The following NOL10 variants were observed in gnomAD, a reference collection of about 807,000 sequenced individuals.
NOL10 encodes nucleolar protein 10, also known as H_NH0074G24.1.
NOL10 carries 58 observed loss-of-function variants against 103.5 expected under a neutral mutation model. The ratio of observed to expected loss-of-function variants is 0.56; its 90% CI spans 0.45 to 0.70. NOL10 has a LOEUF of 0.70. Ranked by LOEUF, NOL10 falls within the 30% of genes least tolerant of loss-of-function variation. NOL10 has a pLI of 0.00. For synonymous variants in NOL10, 287 were observed against 282.5 expected, an observed-to-expected ratio of 1.02 and a Z score of -0.16; for missense variants, 763 against 807.3, an observed-to-expected ratio of 0.95 and a Z score of 0.67.
At chr2:10,669,457 TTTTA>T (rs1680771644) in intron 6 of NOL10, among the ~76,000 whole-genome samples, 1 of 135,810 alleles carries the variant, frequency 7.4e-6, no homozygotes, top group African/African-American at 2.6e-5. Flanking sequence ...ATATATATAT[TTTTA>T]TTTTTTATAT....
intron 13 of NOL10, among the ~76,000 whole-genome samples, chr2:10,613,964 A>AT (rs1553301420): frequency 0.18 from 23,829 of 132,394 alleles, 2,751 homozygotes; most frequent in African/African-American, 0.33. Flanking sequence ...CCCCATTAGA[A>AT]TTTTTTTTTT....
intron 13 of NOL10, among the ~76,000 whole-genome samples, chr2:10,633,573 G>T (rs1177800192): frequency 1.3e-5 from 2 of 151,774 alleles, no homozygotes; most frequent in African/African-American, 4.8e-5. Flanking sequence ...TGAGGATTTG[G>T]TTTAACAGTC....
intron 17 of NOL10, among the ~76,000 whole-genome samples, chr2:10,595,953 G>A (rs948831597): frequency 1.3e-5 from 2 of 151,980 alleles, no homozygotes; most frequent in Non-Finnish European, 2.9e-5. Context: ...AACTATGCAT[G>A]TATAACTGTA....
intron 19 of NOL10, among the ~76,000 whole-genome samples, chr2:10,583,486 T>C (rs886620379): frequency 6.6e-6 from 1 of 152,160 alleles, no homozygotes; most frequent in Non-Finnish European, 1.5e-5. Context: ...CTGCCATTGG[T>C]TTACTGAATG....
chr2:10,666,856 A>C (rs1680598291), intron 8 of NOL10, among the ~76,000 whole-genome samples: 1 of 152,182 alleles, frequency 6.6e-6, no homozygotes, highest in Non-Finnish European at 1.5e-5. Context: ...TTCAAGTGTT[A>C]CCTCTGGGGT....
In NOL10 at chr2:10,644,322, G is replaced by A. The variant is rs1487064714; in HGVS notation, c.1024C>T (p.Pro342Ser). The change falls in exon 13 of 21, where the codon CCA becomes TCA. Residue 342 changes from proline to serine, a missense_variant and splice_region_variant. By Grantham distance (74) the Pro-to-Ser change is moderately conservative. Transcript: ENST00000381685. ...AAACTCCTCTTTGTATTACTTACTG[G>A]AATGTAATAGATGCCCATCTTGGGG... is the stretch of plus-strand genomic sequence containing the variant. ...ETPKMGIYYI[P>S]VLGPAPRWCS... 6.6e-7 allele frequency: 1 copy of A among 1,525,646 alleles called. No homozygotes were observed. Among genetic ancestry groups the A allele is most frequent in the Admixed American group, 2.2e-5 (1 of 44,990 alleles). 94.5% of individuals were successfully genotyped at this position (1,525,646 alleles called of 1,614,324 possible). A position where few individuals can be genotyped will look rare whatever the true frequency, so the allele number is the denominator to read the frequency against.
intron 13 of NOL10, among the ~76,000 whole-genome samples, chr2:10,634,364 C>T (rs914760689): frequency 3.9e-5 from 6 of 152,120 alleles, no homozygotes; most frequent in South Asian, 2.1e-4. Flanking sequence ...ATGGCTCCTG[C>T]GCTCTAAGCC....
chr2:10,620,529 C>T (rs1344435426), intron 13 of NOL10, among the ~76,000 whole-genome samples: 3 of 151,974 alleles, frequency 2.0e-5, no homozygotes, highest in South Asian at 2.1e-4. Context: ...ATAAGATTTC[C>T]CATATGTTCC....
rs371326341 is a variant in NOL10 at position 10,685,246 on chromosome 2, C to G, written c.67-634G>C. Among the ~76,000 whole-genome samples the G allele has an allele frequency of 3.1e-4, 47 of 152,282 alleles. 1 individual carries two copies. In the Middle Eastern group the frequency reaches 0.017, roughly 55 times the overall value. On this transcript the variant is annotated intron_variant, in intron 1 of 20. Transcript: ENST00000381685. ...ACCAAATAGCTGATACTTGGCCAGG[C>G]ATGGTGGCTCACGCCTATAATCCCA...
At chr2:10,610,935 A>T (rs1676530716) in intron 13 of NOL10, among the ~76,000 whole-genome samples, 1 of 152,130 alleles carries the variant, frequency 6.6e-6, no homozygotes, top group Non-Finnish European at 1.5e-5. Flanking sequence ...TGCTTCAGTC[A>T]TACCATGTTG....
At chr2:10,602,351 A>G (rs552879239) in intron 16 of NOL10, among the ~76,000 whole-genome samples, 1 of 152,330 alleles carries the variant, frequency 6.6e-6, no homozygotes, top group Admixed American at 6.5e-5. Flanking sequence ...ATTAAATTCT[A>G]TGTACTCAGA....
intron 13 of NOL10, among the ~76,000 whole-genome samples, chr2:10,622,940 G>A (rs1677232090): frequency 6.6e-6 from 1 of 151,890 alleles, no homozygotes; most frequent in African/African-American, 2.4e-5. Context: ...TGCTCATTCA[G>A]TTCCCCTCTC....
intron 13 of NOL10, among the ~76,000 whole-genome samples, chr2:10,627,668 C>T (rs1280297475): frequency 6.6e-6 from 1 of 150,720 alleles, no homozygotes; most frequent in Non-Finnish European, 1.5e-5. Context: ...GCGTAAGACT[C>T]CGTCTCAAAA....
intron 11 of NOL10, among the ~76,000 whole-genome samples, chr2:10,656,019 A>C (rs1679825637): frequency 6.6e-6 from 1 of 152,204 alleles, no homozygotes; most frequent in African/African-American, 2.4e-5. Context: ...CAACAATGAC[A>C]AAAAGGTGTC....
chr2:10,624,729 T>C (rs764284165), intron 13 of NOL10, among the ~76,000 whole-genome samples: 1 of 152,022 alleles, frequency 6.6e-6, no homozygotes, highest in Non-Finnish European at 1.5e-5. Context: ...TTCTCAAAAC[T>C]AAACGTATTG....
chr2:10,631,159 T>C (rs1260801136), intron 13 of NOL10, among the ~76,000 whole-genome samples: 1 of 152,190 alleles, frequency 6.6e-6, no homozygotes, highest in Non-Finnish European at 1.5e-5. Context: ...CATATACTAA[T>C]GGGGCAAAGA....
At chr2:10,661,044 A>G (rs1680169252) in intron 9 of NOL10, among the ~76,000 whole-genome samples, 1 of 151,802 alleles carries the variant, frequency 6.6e-6, no homozygotes, top group South Asian at 2.1e-4. Context: ...GTTTGTGTTC[A>G]CTGCTTTTCT....
intron 13 of NOL10, among the ~76,000 whole-genome samples, chr2:10,611,861 G>C (rs1268801498): frequency 6.6e-6 from 1 of 152,182 alleles, no homozygotes; most frequent in Non-Finnish European, 1.5e-5. Flanking sequence ...GTTGCAGTGA[G>C]CCAAGACTGT....
At chr2:10,601,523 G>C (rs1174995025) in intron 16 of NOL10, among the ~76,000 whole-genome samples, 1 of 152,102 alleles carries the variant, frequency 6.6e-6, no homozygotes, top group Non-Finnish European at 1.5e-5. Context: ...CCTCTTTCCA[G>C]TGCACTGAGA....
Sources: gnomAD v4.1 joint callset for allele counts (sites outside exome capture counted in the v4.1 genomes callset) on GRCh38, gnomAD v4.1.1 for gene constraint, MANE v1.5 for transcripts, NCBI Gene and HGNC (gene_info 2026-07-23, HGNC 2026-07-21) for gene names.